Variants in NIN observed in about 807,000 individuals in gnomAD.
The protein encoded by NIN is ninein, also known as glycogen synthase kinase 3 beta-interacting protein.
In NIN, 137 loss-of-function variants were observed where a neutral mutation model predicts 257.6. The ratio of observed to expected loss-of-function variants is 0.53; its 90% CI spans 0.46 to 0.61. NIN has a LOEUF of 0.61. Among genes scored for constraint, NIN ranks in the 20% least tolerant of loss-of-function variants. The pLI is 0.00. For missense variants in NIN, 2,439 were observed against 2,501.2 expected (o/e 0.98, Z 0.53); for synonymous variants, 918 against 919.8 (o/e 1.00, Z 0.04).
chr14:50,798,981 G>A (rs894978910), intron 4 of NIN, among the ~76,000 whole-genome samples: 13 of 152,186 alleles, frequency 8.5e-5, no homozygotes, highest in African/African-American at 2.7e-4. Flanking sequence ...GTTTCACCAC[G>A]TTGGCCAGAT....
intron 28 of NIN, among the ~76,000 whole-genome samples, chr14:50,731,423 C>T (rs777411333): frequency 2.7e-5 from 4 of 150,162 alleles, no homozygotes; most frequent in South Asian, 2.1e-4. Flanking sequence ...CCCAGCTACT[C>T]GGGAGGCTAA....
At chr14:50,810,935 T>A (rs1291000028) in intron 3 of NIN, among the ~76,000 whole-genome samples, 1 of 152,146 alleles carries the variant, frequency 6.6e-6, no homozygotes, top group Non-Finnish European at 1.5e-5. Flanking sequence ...GTGCTGGGAT[T>A]ACAGGCGTGA....
chr14:50,784,227 C>T (rs1332356100), intron 5 of NIN, among the ~76,000 whole-genome samples: 3 of 152,162 alleles, frequency 2.0e-5, no homozygotes, highest in Non-Finnish European at 4.4e-5. Context: ...CTCCAGTGCA[C>T]CCAAAGGGAC....
At chr14:50,754,705 CA>C in intron 19 of NIN, 36 bp downstream of exon 19, 1 of 1,578,374 alleles carries the variant, frequency 6.3e-7, no homozygotes, top group Non-Finnish European at 8.6e-7. Flanking sequence ...TTAGTCTTTG[CA>C]AAAATGTCTT....
At position 50,806,741 on chromosome 14, in the gene NIN, T is replaced by G; in HGVS notation, c.261A>C (p.Glu87Asp). Residue 87 changes from glutamate to aspartate, a missense_variant, in exon 4 of 31, where the codon GAA (glutamate) becomes GAC (aspartate). Around this residue, in one of 3 missense-constraint regions of NIN, gnomAD observed 387 missense variants for 427.3 expected, o/e 0.91. Transcript: ENST00000530997. ...RTLSNEEHFQ[E>D]PDCSLEAQPK... Reference sequence around the variant, plus strand: ...AAGAGAAGTGAGTGACCTTACCTGGTTCTTGAAAGTGTTCTTCATTTGACA... The same window carrying G: ...AAGAGAAGTGAGTGACCTTACCTGGGTCTTGAAAGTGTTCTTCATTTGACA... 1 of 1,567,750 alleles carries G rather than the reference T, an allele frequency of 6.4e-7. No homozygotes were observed. Among genetic ancestry groups the G allele is most frequent in the Non-Finnish European group, 8.8e-7 (1 of 1,140,318 alleles).
intron 2 of NIN, among the ~76,000 whole-genome samples, chr14:50,829,957 A>C: frequency 6.6e-6 from 1 of 152,100 alleles, no homozygotes; most frequent in Non-Finnish European, 1.5e-5. Flanking sequence ...CAATAACCAA[A>C]TGTCATTTTG....
chr14:50,771,026 CTG>C, intron 10 of NIN, 34 bp from the exon 11 acceptor site: 1 of 1,602,566 alleles, frequency 6.2e-7, no homozygotes, highest in Non-Finnish European at 8.5e-7. Flanking sequence ...TAATGGGAAA[CTG>C]TTTCTAAGCA....
chr14:50,732,162 C>T (rs778844737), intron 28 of NIN, among the ~76,000 whole-genome samples: 15 of 152,078 alleles, frequency 9.9e-5, no homozygotes, highest in Non-Finnish European at 1.5e-4. Context: ...ATGTTAGAAC[C>T]GTGACTGTTA....
chr14:50,785,595 G>A (rs1021207020), intron 5 of NIN, among the ~76,000 whole-genome samples: 1 of 152,232 alleles, frequency 6.6e-6, no homozygotes, highest in African/African-American at 2.4e-5. Flanking sequence ...TGTGCATTTA[G>A]AAGAGCAGCA....
chr14:50,805,802 A>G (rs942447308), intron 4 of NIN: 2 of 151,928 alleles, frequency 1.3e-5, no homozygotes, highest in Non-Finnish European at 2.9e-5. Context: ...GGTTGGAAAA[A>G]CTCACACAAT....
intron 28 of NIN, among the ~76,000 whole-genome samples, chr14:50,733,195 C>T (rs376859006): frequency 9.3e-4 from 140 of 150,072 alleles, no homozygotes; most frequent in Middle Eastern, 3.6e-3. Flanking sequence ...CGGGTTCAAG[C>T]GATTCTCCTG....
chr14:50,731,223 A>G (rs1317289202), intron 28 of NIN, among the ~76,000 whole-genome samples: 1 of 152,094 alleles, frequency 6.6e-6, no homozygotes, highest in African/African-American at 2.4e-5. Context: ...CGCCCAATAT[A>G]ATGATTTAGA....
chr14:50,744,711 G>A, intron 22 of NIN, among the ~76,000 whole-genome samples: 1 of 152,176 alleles, frequency 6.6e-6, no homozygotes, highest in South Asian at 2.1e-4. Context: ...GCCAAGGTGG[G>A]GAGGATCACT....
At chr14:50,754,226 A>C (rs2041924217) in intron 20 of NIN, among the ~76,000 whole-genome samples, 1 of 152,210 alleles carries the variant, frequency 6.6e-6, no homozygotes, top group Non-Finnish European at 1.5e-5. Flanking sequence ...AATCATGGTG[A>C]GGAAAAAGGA....
intron 25 of NIN, 140 bp from the exon 26 acceptor site, chr14:50,739,627 ATGTG>A: frequency 6.0e-6 from 4 of 666,470 alleles, no homozygotes; most frequent in Non-Finnish European, 7.7e-6. Flanking sequence ...TAATGAAAGT[ATGTG>A]TATGTACATA....
At chr14:50,727,812 G>T in intron 29 of NIN, 5 of 1,372,176 alleles carry the variant, frequency 3.6e-6, no homozygotes, top group Non-Finnish European at 4.9e-6. Context: ...TTTAGGGGGA[G>T]TCTAAATTCA....
At chr14:50,814,291 C>T (rs1313855606) in intron 3 of NIN, among the ~76,000 whole-genome samples, 1 of 152,186 alleles carries the variant, frequency 6.6e-6, no homozygotes, top group Non-Finnish European at 1.5e-5. Flanking sequence ...AGCAAATCTA[C>T]TCTTCACTCT....
rs1303992019 is a variant in NIN, at chr14:50,720,442, C to G, written c.*3021G>C. 9.5e-6 allele frequency: 2 copies of G among 211,330 alleles called. No individual in the cohort carries two copies. The highest frequency in any genetic ancestry group is 1.9e-5 in the Non-Finnish European group (2 of 104,180). 13.1% of individuals were successfully genotyped at this position (211,330 alleles called of 1,614,324 possible). On this transcript the variant is annotated 3_prime_UTR_variant, in exon 31 of 31. Coordinates refer to ENST00000530997, the MANE Select transcript of NIN (RefSeq NM_020921.4). Reference sequence around the variant, plus strand: ...AAAAAAGCAAAGTCTGCCATAAACCCTTAGAGAAGAAACAGTTTCTCATAA... The same window carrying G: ...AAAAAAGCAAAGTCTGCCATAAACCGTTAGAGAAGAAACAGTTTCTCATAA...
At position 50,772,686 on chromosome 14, in the gene NIN, C is replaced by T. The variant is rs369505887; in HGVS notation, c.814-218G>A. On this transcript the variant is annotated intron_variant, in intron 8 of 30. Transcript: ENST00000530997. The stretch of plus-strand genomic sequence containing the variant: ...TTGGTAGAGAGTTCTATGACATAGA[C>T]GAGATATGTCCCTAATTAACACCAG... Among the ~76,000 whole-genome samples the T allele has an allele frequency of 6.4e-4, 97 of 152,298 alleles. No homozygotes were observed. In the South Asian group the frequency reaches 0.018, roughly 29 times the overall value.
Sources: gnomAD v4.1 joint callset for allele counts (sites outside exome capture counted in the v4.1 genomes callset) on GRCh38, gnomAD v4.1.1 for gene constraint, gnomAD v4.1.1 regional missense constraint, MANE v1.5 for transcripts, NCBI Gene and HGNC (gene_info 2026-07-23, HGNC 2026-07-21) for gene names.